The following CLDN19 variants were observed in gnomAD, a reference collection of about 807,000 sequenced individuals.
The protein encoded by CLDN19 is claudin-19.
Under a neutral mutation model 24.5 loss-of-function variants are expected in CLDN19, and 19 were observed. The ratio of observed to expected loss-of-function variants is 0.78; its 90% confidence interval spans 0.54 to 1.14. The LOEUF is 1.14. Ranked by LOEUF, CLDN19 falls within the 50% of genes most tolerant of loss-of-function variation. The pLI is 0.00. For synonymous variants in CLDN19, 117 were observed against 129.6 expected, an observed-to-expected ratio of 0.90 and a Z score of 0.66; for missense variants, 250 against 295.9, an observed-to-expected ratio of 0.84 and a Z score of 1.14.
intron 1 of CLDN19, among the ~76,000 whole-genome samples, chr1:42,739,439 G>A (rs1312655414): frequency 1.7e-4 from 26 of 152,254 alleles, no homozygotes; most frequent in Admixed American, 1.7e-3. Context: ...CCTGGGAGCA[G>A]GACTAGGGAG....
At chr1:42,736,966 G>A (rs1651393390) in intron 3 of CLDN19, among the ~76,000 whole-genome samples, 1 of 151,898 alleles carries the variant, frequency 6.6e-6, no homozygotes, top group African/African-American at 2.4e-5. Flanking sequence ...CCCTCCCCTT[G>A]CCTCTCAACA....
At chr1:42,735,724 G>A (rs759663769) in intron 4 of CLDN19, 154 bp downstream of exon 4, 1 of 1,466,920 alleles carries the variant, frequency 6.8e-7, no homozygotes, top group Non-Finnish European at 9.0e-7. Flanking sequence ...CAGATTGCAG[G>A]GTGGGTGCTT....
At chr1:42,735,573 G>T in intron 4 of CLDN19, 3 of 1,422,580 alleles carry the variant, frequency 2.1e-6, no homozygotes, top group South Asian at 1.6e-5. Flanking sequence ...AAACAGCCGG[G>T]CTGGTGCCTG....
intron 1 of CLDN19, among the ~76,000 whole-genome samples, chr1:42,739,402 G>T (rs913479378): frequency 5.3e-5 from 8 of 152,230 alleles, no homozygotes; most frequent in African/African-American, 1.9e-4. Flanking sequence ...GCATGCATGT[G>T]CATGCACCCA....
In CLDN19 at chr1:42,740,099, G is replaced by A; in HGVS notation, c.-36C>T. 6.6e-7 allele frequency: 1 copy of A among 1,514,104 alleles called. No homozygotes were observed. The highest frequency in any genetic ancestry group is 8.9e-7 in the Non-Finnish European group (1 of 1,117,590). The allele number at this position is 1,514,104 out of a possible 1,614,324, so 93.8% of individuals were successfully genotyped here. ...AGAGGACCGAGGGTCCCAGGACTCA[G>A]AGCTGGGCCAGGGTGCCAGCAGGGG... On this transcript the variant is annotated 5_prime_UTR_variant, in exon 1 of 5. Coordinates refer to ENST00000296387, the MANE Select transcript of CLDN19 (RefSeq NM_148960.3).
rs1466588520 is a variant in CLDN19, at chr1:42,738,496, T to A, written c.313A>T (p.Thr105Ser). The change falls in exon 2 of 5, where the codon ACG (threonine) becomes TCG (serine). Residue 105 changes from threonine (T) to serine (S), a missense_variant. Thr to Ser is a moderately conservative substitution (Grantham distance 58). Transcript: ENST00000296387. ...MVLSVVGMKC[T>S]RVGDSNPIAK... ...ATGGGGTTGCTGTCTCCCACCCGCG[T>A]ACACTTCATGCCAACTACGCTGAGG... The A allele has an allele frequency of 6.2e-7, 1 of 1,613,910 alleles. No individual in the cohort carries two copies. The highest frequency in any genetic ancestry group is 1.3e-5 in the African/African-American group (1 of 74,924).
intron 4 of CLDN19, chr1:42,735,558 T>G (rs558473657): frequency 7.0e-7 from 1 of 1,419,568 alleles, no homozygotes; most frequent in African/African-American, 1.4e-5. Context: ...AGCTCTTCAG[T>G]GAGTAAACAG....
chr1:42,735,807 G>A (rs1254784973), intron 4 of CLDN19, 71 bp downstream of exon 4: 5 of 1,548,884 alleles, frequency 3.2e-6, no homozygotes, highest in Admixed American at 3.9e-5. Context: ...GGTGCTGCGA[G>A]GCTGGCTGGA....
rs887914551 is a variant in CLDN19, at chr1:42,734,240, G to A, written c.*846C>T. On this transcript the variant is annotated 3_prime_UTR_variant, in exon 5 of 5. Coordinates refer to ENST00000296387, the MANE Select transcript of CLDN19 (RefSeq NM_148960.3). ...TCAGGCCCTTCCCCCTGTATGCTAAGGGGGGATGGTACCTGGACTTCAAGA... is the reference window on the plus strand; with the variant it reads ...TCAGGCCCTTCCCCCTGTATGCTAAAGGGGGATGGTACCTGGACTTCAAGA... 5 of 152,334 alleles carry A rather than the reference G, an allele frequency of 3.3e-5. No individual in the cohort carries two copies. Among genetic ancestry groups the A allele is most frequent in the African/African-American group, 1.2e-4 (5 of 41,398 alleles). The allele number at this position is 152,334 out of a possible 1,614,324, so 9.4% of individuals were successfully genotyped here.
At position 42,734,986 on chromosome 1, in the gene CLDN19, A is replaced by C. The variant is rs1651308898; in HGVS notation, c.*100T>G. ...AGCCACGCTGAGGACAGACCGAATG[A>C]TACCATGATTGGGGCTGGATGTTCA... On this transcript the variant is annotated 3_prime_UTR_variant, in exon 5 of 5. Transcript: ENST00000296387. 1.0e-6 allele frequency: 1 copy of C among 995,474 alleles called. No individual in the cohort carries two copies. Among genetic ancestry groups the C allele is most frequent in the Non-Finnish European group, 1.6e-6 (1 of 637,350 alleles). 61.7% of individuals were successfully genotyped at this position (995,474 alleles called of 1,614,324 possible).
At chr1:42,735,787 C>T in intron 4 of CLDN19, 91 bp downstream of exon 4, 2 of 1,540,972 alleles carry the variant, frequency 1.3e-6, no homozygotes, top group Non-Finnish European at 1.7e-6. Flanking sequence ...GCCCCAGTGG[C>T]CCTGCCCAGG....
intron 4 of CLDN19, chr1:42,735,453 G>A (rs950424439): frequency 1.1e-5 from 16 of 1,412,786 alleles, no homozygotes; most frequent in Non-Finnish European, 1.4e-5. Context: ...ACTGGGGAGG[G>A]TGAAGGTTTC....
chr1:42,738,384 C>T (rs1281389709), intron 2 of CLDN19, 37 bp downstream of exon 2: 23 of 1,613,700 alleles, frequency 1.4e-5, no homozygotes, highest in Non-Finnish European at 1.9e-5. Context: ...GGGCTGCCTG[C>T]CATGGTTGTG....
At chr1:42,738,052 C>A (rs1651427018) in intron 3 of CLDN19, among the ~76,000 whole-genome samples, 177 bp downstream of exon 3, 1 of 152,194 alleles carries the variant, frequency 6.6e-6, no homozygotes, top group South Asian at 2.1e-4. Context: ...CCTGGGTGCC[C>A]ATCACAGGCC....
rs768639835 is a variant in CLDN19 at position 42,735,995 on chromosome 1, G to T, written c.509C>A (p.Ala170Asp). Residue 170 changes from alanine to aspartate, a missense_variant, in exon 4 of 5, where the codon GCC becomes GAC. By Grantham distance (126) the Ala-to-Asp change is moderately radical. Coordinates refer to ENST00000296387, the MANE Select transcript of CLDN19 (RefSeq NM_148960.3). ...GCCCAGCACGGCCAGGCCAGCTGAG[G>T]CCCAGCCCACGAACAGGGCTGGGCC... is the stretch of plus-strand genomic sequence containing the variant. Reference protein sequence around the residue: ...EFGPALFVGWASAGLAVLGGS... With the variant: ...EFGPALFVGWDSAGLAVLGGS... The T allele has an allele frequency of 4.4e-6, 7 of 1,576,316 alleles. No individual in the cohort carries two copies. In the South Asian group the frequency reaches 8.1e-5, roughly 18 times the overall value.
chr1:42,738,593 G>T lies in CLDN19; in HGVS notation c.224-8C>A, dbSNP rs1651448675. 6.2e-7 allele frequency: 1 copy of T among 1,612,516 alleles called. No homozygotes were observed. Among genetic ancestry groups the T allele is most frequent in the Non-Finnish European group, 8.5e-7 (1 of 1,179,378 alleles). On this transcript the variant is annotated splice_region_variant and splice_polypyrimidine_tract_variant and intron_variant, in intron 1 of 4. Coordinates refer to ENST00000296387, the MANE Select transcript of CLDN19 (RefSeq NM_148960.3). The stretch of plus-strand genomic sequence containing the variant: ...GCGCTGATTGGATGTGACCTAGGGT[G>T]GGCGGGATGACACTGAGTCGGGCTG...
chr1:42,735,041 C>T lies in CLDN19; in HGVS notation c.*45G>A, dbSNP rs200471599. The T allele has an allele frequency of 1.8e-4, 255 of 1,422,440 alleles. 2 individuals carry two copies. Among genetic ancestry groups the T allele is most frequent in the Non-Finnish European group, 2.3e-4 (233 of 1,006,416 alleles). 88.1% of individuals were successfully genotyped at this position (1,422,440 alleles called of 1,614,324 possible). On this transcript the variant is annotated 3_prime_UTR_variant, in exon 5 of 5. Transcript: ENST00000296387. ...TCTTTCCAAAAAAATATGAAACACA[C>T]AGTCTAGGTATGGCAGGGGACAGAG...
Position 42,734,969 on chromosome 1 carries a change from T to C in CLDN19, c.*117A>G. The stretch of plus-strand genomic sequence containing the variant: ...GACACAGGCCCCGTCCAAGCCACGC[T>C]GAGGACAGACCGAATGATACCATGA... On this transcript the variant is annotated 3_prime_UTR_variant, in exon 5 of 5. Coordinates refer to ENST00000296387, the MANE Select transcript of CLDN19 (RefSeq NM_148960.3). The C allele has an allele frequency of 1.1e-6, 1 of 883,042 alleles. No homozygotes were observed. The highest frequency in any genetic ancestry group is 1.8e-6 in the Non-Finnish European group (1 of 543,680). The allele number at this position is 883,042 out of a possible 1,614,324, so 54.7% of individuals were successfully genotyped here. A position where few individuals can be genotyped will look rare whatever the true frequency, so the allele number is the denominator to read the frequency against.
In CLDN19 at chr1:42,739,944, G is replaced by A; in HGVS notation, c.120C>T (p.Ile40=). The change falls in exon 1 of 5, where the codon ATC becomes ATT. Residue 40 remains isoleucine, a synonymous_variant. Transcript: ENST00000296387. ...WKQSSYAGDA[I]ITAVGLYEGL... is the part of the protein sequence containing the mutation. ...CTTCATAGAGGCCCACGGCAGTGAT[G>A]ATGGCGTCGCCTGCGTAGGAAGACT... 6.2e-7 allele frequency: 1 copy of A among 1,609,272 alleles called. No homozygotes were observed. The highest frequency in any genetic ancestry group is 1.3e-5 in the African/African-American group (1 of 74,970).
Sources: allele counts gnomAD v4.1 joint callset (sites outside exome capture counted in the v4.1 genomes callset), GRCh38; gene constraint gnomAD v4.1.1; transcripts MANE v1.5; gene names NCBI Gene and HGNC (gene_info 2026-07-23, HGNC 2026-07-21).